FANCA: variants seen among roughly 807,000 people sequenced by gnomAD.
FANCA encodes the protein Fanconi anemia group A protein.
In FANCA, 236 loss-of-function variants were observed where a neutral mutation model predicts 194.3. That is an observed-to-expected ratio of 1.21 (90% CI 1.09 to 1.35). FANCA has a LOEUF of 1.35. FANCA is among the 40% of genes most tolerant of loss of function. The pLI is 0.00. For synonymous variants in FANCA, 1,014 were observed against 715.8 expected (o/e 1.42, Z -6.65); for missense variants, 2,628 against 1,813.9 (o/e 1.45, Z -8.15).
chr16:89,754,737 C>T (rs2038713455), intron 30 of FANCA, among the ~76,000 whole-genome samples: 1 of 152,124 alleles, frequency 6.6e-6, no homozygotes, highest in South Asian at 2.1e-4. Context: ...TAATAAATGA[C>T]TAGAGCCAAT....
intron 30 of FANCA, among the ~76,000 whole-genome samples, chr16:89,756,601 CAAAG>C (rs75254635): frequency 0.059 from 9,045 of 152,184 alleles, 406 homozygotes; most frequent in East Asian, 0.22. Flanking sequence ...GCCTGGGTGA[CAAAG>C]AAAGACCCAG....
At chr16:89,798,505 G>A (rs1232798062) in intron 10 of FANCA, 8 of 1,103,738 alleles carry the variant, frequency 7.2e-6, no homozygotes, top group Non-Finnish European at 7.8e-6. Flanking sequence ...TGGAAACAGT[G>A]GCAAATTCTA....
At chr16:89,798,322 G>A in intron 10 of FANCA, 13 of 1,023,018 alleles carry the variant, frequency 1.3e-5, no homozygotes, top group Non-Finnish European at 1.4e-5. Flanking sequence ...CTTTGTTACA[G>A]CAGCCCAAGC....
chr16:89,789,813 G>A lies in FANCA; in HGVS notation c.1359+1590C>T, dbSNP rs189086463. Among the ~76,000 whole-genome samples the A allele has an allele frequency of 1.9e-4, 29 of 152,246 alleles. No individual in the cohort carries two copies. The East Asian group carries it at 5.0e-3, about 26-fold the overall frequency. On this transcript the variant is annotated intron_variant, in intron 14 of 42. Transcript: ENST00000389301. ...CACAAGCACTAAAAGAGAAACCATG[G>A]CGGTCCTTCAAAGCTGATATCTCAA...
chr16:89,779,410 T>C (rs996301530), intron 18 of FANCA, among the ~76,000 whole-genome samples: 4 of 152,124 alleles, frequency 2.6e-5, no homozygotes, highest in African/African-American at 7.2e-5. Context: ...AGCTGTGCTA[T>C]TCAGCTCTCT....
At chr16:89,786,501 G>C (rs1567631821) in intron 14 of FANCA, among the ~76,000 whole-genome samples, 1 of 151,970 alleles carries the variant, frequency 6.6e-6, no homozygotes, top group Non-Finnish European at 1.5e-5. Context: ...CTTTTTAGTA[G>C]AGATGAGGTT....
chr16:89,803,276 G>A lies in FANCA; in HGVS notation c.775C>T (p.Pro259Ser), dbSNP rs200988394. The change falls in exon 8 of 43, where the codon CCT becomes TCT. Residue 259 changes from proline (P) to serine (S), a missense_variant. Pro to Ser is a moderately conservative substitution (Grantham distance 74). Transcript: ENST00000389301. ...KNSDLRRTVE[P>S]EKMPQVTVDV... ...CCTCCTACCTGCGGCATTTTTTCAG[G>A]CTCCACAGTTCTTCTCAGATCTGAG... The A allele has an allele frequency of 7.4e-6, 12 of 1,613,946 alleles. No individual in the cohort carries two copies. Among genetic ancestry groups the A allele is most frequent in the African/African-American group, 4.0e-5 (3 of 74,902 alleles).
In FANCA at chr16:89,783,010, G is replaced by T. The variant is rs995956285; in HGVS notation, c.1563C>A (p.Leu521=). 6.2e-7 allele frequency: 1 copy of T among 1,613,982 alleles called. No homozygotes were observed. The highest frequency in any genetic ancestry group is 8.5e-7 in the Non-Finnish European group (1 of 1,179,834). The part of the protein sequence containing the change: ...ISLAKTRLAD[L]KVSIENMGLY... ...TGGGCATGGAGGGACAGCTTGCCTTGAGGTCGGCCAGCCGTGTCTTGGCCA... is the reference window on the plus strand; with the variant it reads ...TGGGCATGGAGGGACAGCTTGCCTTTAGGTCGGCCAGCCGTGTCTTGGCCA... The change falls in exon 16 of 43, where the codon CTC becomes CTA. Residue 521 remains leucine (L), a synonymous_variant. Transcript: ENST00000389301.
At chr16:89,792,185 G>A (rs751811630) in intron 12 of FANCA, 117 bp from the exon 13 acceptor site, 2 of 1,218,544 alleles carry the variant, frequency 1.6e-6, no homozygotes, top group Non-Finnish European at 2.4e-6. Context: ...CACTGCAAAG[G>A]TAACACATGG....
At chr16:89,780,297 AAGG>A (rs2039656185) in intron 17 of FANCA, among the ~76,000 whole-genome samples, 1 of 152,118 alleles carries the variant, frequency 6.6e-6, no homozygotes, top group Non-Finnish European at 1.5e-5. Context: ...TCTAGGTGGG[AAGG>A]AGTAGAGACT....
intron 11 of FANCA, 37 bp from the exon 12 acceptor site, chr16:89,792,584 A>G: frequency 6.3e-7 from 1 of 1,587,928 alleles, no homozygotes; most frequent in South Asian, 1.1e-5. Flanking sequence ...TTCAAGTCAG[A>G]GATCAAAAAG....
rs768733593 is a variant in FANCA, at chr16:89,739,278, T to G, written c.4022A>C (p.Tyr1341Ser). 2.5e-6 allele frequency: 4 copies of G among 1,614,068 alleles called. No individual in the cohort carries two copies. Among genetic ancestry groups the G allele is most frequent in the Non-Finnish European group, 3.4e-6 (4 of 1,180,006 alleles). Residue 1341 changes from tyrosine (Y) to serine (S), a missense_variant, in exon 41 of 43, where the codon TAC (tyrosine) becomes TCC (serine). Coordinates refer to ENST00000389301, the MANE Select transcript of FANCA (RefSeq NM_000135.4). Reference protein sequence around the residue: ...LPFAFYSLLSYFHEDAAIREE... With the variant: ...LPFAFYSLLSSFHEDAAIREE... Reference sequence around the variant, plus strand: ...CCTGATGGCCGCGTCTTCATGGAAGTAGGAGAGAAGACTAGAGGTAAAGAC... The same window carrying G: ...CCTGATGGCCGCGTCTTCATGGAAGGAGGAGAGAAGACTAGAGGTAAAGAC...
rs370078576 is a variant in FANCA, at chr16:89,803,330, T to C, written c.721A>G (p.Met241Val). The C allele has an allele frequency of 1.9e-6, 3 of 1,613,982 alleles. No homozygotes were observed. Among genetic ancestry groups the C allele is most frequent in the East Asian group, 2.2e-5 (1 of 44,888 alleles). Residue 241 changes from methionine (M) to valine (V), a missense_variant, in exon 8 of 43, where the codon ATG becomes GTG. Physicochemically the swap from Met to Val is conservative, Grantham distance 21. Coordinates refer to ENST00000389301, the MANE Select transcript of FANCA (RefSeq NM_000135.4). ...ARAMLSDFVQ[M>V]FVLRGFQKNS... ...TTCTGAAATCCCCTCAAAACAAACA[T>C]TTGAACAAAATCTGAAAAACCATAA...
At chr16:89,739,110 G>A (rs757550124) in intron 41 of FANCA, 23 bp downstream of exon 41, 1 of 1,614,006 alleles carries the variant, frequency 6.2e-7, no homozygotes, top group Non-Finnish European at 8.5e-7. Flanking sequence ...TCCCCTGGAG[G>A]TGGGACTGGC....
At position 89,749,743 on chromosome 16, in the gene FANCA, G is replaced by C. The variant is rs368921238; in HGVS notation, c.3226C>G (p.Leu1076Val). 6 of 1,613,872 alleles carry C rather than the reference G, an allele frequency of 3.7e-6. No homozygotes were observed. The African/African-American group carries it at 8.0e-5, about 22-fold the overall frequency. Reference sequence around the variant, plus strand: ...AGTAGGTGTTACCGTTTGTACATTAGCAGCTCCCTCTGTCTCTGAAGGCTG... The same window carrying C: ...AGTAGGTGTTACCGTTTGTACATTACCAGCTCCCTCTGTCTCTGAAGGCTG... ...AASLQRQREL[L>V]MYKRILLRLP... is the part of the protein sequence containing the mutation. The change falls in exon 32 of 43, where the codon CTA (leucine) becomes GTA (valine). Residue 1076 changes from leucine to valine, a missense_variant. By Grantham distance (32) the Leu-to-Val change is conservative. Coordinates refer to ENST00000389301, the MANE Select transcript of FANCA (RefSeq NM_000135.4).
chr16:89,739,976 C>A lies in FANCA; in HGVS notation c.3934+18G>T. The A allele has an allele frequency of 6.2e-7, 1 of 1,613,512 alleles. No individual in the cohort carries two copies. Among genetic ancestry groups the A allele is most frequent in the Non-Finnish European group, 8.5e-7 (1 of 1,179,420 alleles). On this transcript the variant is annotated intron_variant, in intron 39 of 42. Transcript: ENST00000389301. ...AGAGCGGCCCTCCGCATTTGTGCCT[C>A]AGCAGCGTGTTTCTTACCACTCTCT...
In FANCA at chr16:89,782,851, A is replaced by C. The variant is rs746097975; in HGVS notation, c.1626+8T>G. On this transcript the variant is annotated splice_region_variant and intron_variant, in intron 17 of 42. Transcript: ENST00000389301. Reference sequence around the variant, plus strand: ...GGCTGAGACCCTGCAGGGCTCAAGCAACATTACCTCAGTAATGTCCCCAGC... The same window carrying C: ...GGCTGAGACCCTGCAGGGCTCAAGCCACATTACCTCAGTAATGTCCCCAGC... 1 of 1,611,696 alleles carries C rather than the reference A, an allele frequency of 6.2e-7. No individual in the cohort carries two copies. Among genetic ancestry groups the C allele is most frequent in the Non-Finnish European group, 8.5e-7 (1 of 1,177,710 alleles).
intron 23 of FANCA, among the ~76,000 whole-genome samples, chr16:89,771,215 T>C (rs147162242): frequency 0.011 from 1,668 of 149,964 alleles, 37 homozygotes; most frequent in African/African-American, 0.038. Flanking sequence ...TCCCAACACT[T>C]TGGGAGGCTG....
intron 39 of FANCA, 156 bp downstream of exon 39, chr16:89,739,838 C>T (rs998766911): frequency 1.3e-6 from 2 of 1,494,630 alleles, no homozygotes; most frequent in Non-Finnish European, 1.8e-6. Context: ...TATCTTATTG[C>T]TTTAAACAAG....
Sources: gnomAD v4.1 joint callset for allele counts (sites outside exome capture counted in the v4.1 genomes callset) on GRCh38, gnomAD v4.1.1 for gene constraint, MANE v1.5 for transcripts, NCBI Gene and HGNC (gene_info 2026-07-23, HGNC 2026-07-21) for gene names.